OXA1L: variants seen among roughly 807,000 people sequenced by gnomAD.
OXA1L encodes the protein mitochondrial inner membrane protein OXA1L.
OXA1L carries 42 observed loss-of-function variants against 52.2 expected under a neutral mutation model. The observed-to-expected ratio is 0.80, with a 90% CI of 0.63 to 1.04. The LOEUF (loss-of-function observed/expected upper bound fraction) is 1.04. Among genes scored for constraint, OXA1L ranks in the 50% least tolerant of loss-of-function variants. OXA1L has a pLI of 0.00. For missense variants in OXA1L, 572 were observed against 555.0 expected (o/e 1.03, Z -0.31); for synonymous variants, 239 against 201.9 (o/e 1.18, Z -1.56).
chr14:22,770,706 C>T, intron 6 of OXA1L, 81 bp downstream of exon 6: 1 of 1,548,296 alleles, frequency 6.5e-7, no homozygotes, highest in East Asian at 2.3e-5. Context: ...AATGGTCATC[C>T]TTCACTTGCT....
intron 3 of OXA1L, among the ~76,000 whole-genome samples, chr14:22,769,373 A>G (rs773964467): frequency 6.6e-6 from 1 of 152,184 alleles, no homozygotes; most frequent in Non-Finnish European, 1.5e-5. Context: ...GTTGTCACAG[A>G]TGACTGGGTT....
intron 4 of OXA1L, 76 bp from the exon 5 acceptor site, chr14:22,770,117 C>A: frequency 7.5e-7 from 1 of 1,328,822 alleles, no homozygotes; most frequent in Non-Finnish European, 1.1e-6. Flanking sequence ...ATTTCACAGG[C>A]CAGGTAGATA....
Position 22,767,267 on chromosome 14 carries a change from C to T in OXA1L, c.83C>T (p.Pro28Leu), listed in dbSNP as rs1207374971. 1.9e-6 allele frequency: 3 copies of T among 1,611,104 alleles called. No individual in the cohort carries two copies. The highest frequency in any genetic ancestry group is 2.5e-6 in the Non-Finnish European group (3 of 1,179,122). Reference sequence around the variant, plus strand: ...GCTCAGGTCCACAGCGTCGCAGGGCCCTCGCAATGGCTTGGGAAACCGCTG... The same window carrying T: ...GCTCAGGTCCACAGCGTCGCAGGGCTCTCGCAATGGCTTGGGAAACCGCTG... The part of the protein sequence containing the change: ...SGRRVHSVAG[P>L]SQWLGKPLTT... Residue 28 changes from proline to leucine, a missense_variant, in exon 2 of 10, where the codon CCC (proline) becomes CTC (leucine). By Grantham distance (98) the Pro-to-Leu change is moderately conservative (BLOSUM62 -3). Coordinates refer to ENST00000612549, the MANE Select transcript of OXA1L (RefSeq NM_005015.5).
Position 22,771,423 on chromosome 14 carries a change from T to G in OXA1L, c.1184-11T>G. The G allele has an allele frequency of 6.2e-7, 1 of 1,614,096 alleles. No individual in the cohort carries two copies. Among genetic ancestry groups the G allele is most frequent in the Non-Finnish European group, 8.5e-7 (1 of 1,179,968 alleles). On this transcript the variant is annotated splice_polypyrimidine_tract_variant and intron_variant, in intron 9 of 9. Coordinates refer to ENST00000612549, the MANE Select transcript of OXA1L (RefSeq NM_005015.5). ...TTCTTCGTTGAAATTTGTTTTCTCTTCTCCCCTCAGGTCCTTTACGACAGA... is the reference window on the plus strand; with the variant it reads ...TTCTTCGTTGAAATTTGTTTTCTCTGCTCCCCTCAGGTCCTTTACGACAGA...
rs1346021069 is a variant in OXA1L at position 22,768,067 on chromosome 14, C to A, written c.335C>A (p.Ala112Asp). ...CAAACTGCTGCAGAGCAGAGCTTCG[C>A]TGAACTGGGGCTGGGGTCATACACC... ...VVQTAAEQSFAELGLGSYTPV... is the reference protein window; with the variant it reads ...VVQTAAEQSFDELGLGSYTPV... Residue 112 changes from alanine (A) to aspartate (D), a missense_variant, in exon 3 of 10, where the codon GCT becomes GAT. Physicochemically the swap from Ala to Asp is moderately radical, Grantham distance 126. Coordinates refer to ENST00000612549, the MANE Select transcript of OXA1L (RefSeq NM_005015.5). 1 of 1,614,054 alleles carries A rather than the reference C, an allele frequency of 6.2e-7. No individual in the cohort carries two copies. Among genetic ancestry groups the A allele is most frequent in the African/African-American group, 1.3e-5 (1 of 74,936 alleles).
chr14:22,767,983 C>A lies in OXA1L; in HGVS notation c.251C>A (p.Ala84Glu). 17 of 1,613,010 alleles carry A rather than the reference C, an allele frequency of 1.1e-5. No individual in the cohort carries two copies. The highest frequency in any genetic ancestry group is 1.4e-5 in the Non-Finnish European group (16 of 1,179,026). ...GTTCAGGCCCCTCCTGTTGTTGCTGCAACTCCCTCACCCACAGCAGTACCT... is the reference window on the plus strand; with the variant it reads ...GTTCAGGCCCCTCCTGTTGTTGCTGAAACTCCCTCACCCACAGCAGTACCT... The part of the protein sequence containing the change: ...VQVQAPPVVA[A>E]TPSPTAVPEV... The change falls in exon 3 of 10, where the codon GCA (alanine) becomes GAA (glutamate). Residue 84 changes from alanine (A) to glutamate (E), a missense_variant. By Grantham distance (107) the Ala-to-Glu change is moderately radical. Coordinates refer to ENST00000612549, the MANE Select transcript of OXA1L (RefSeq NM_005015.5).
At position 22,768,409 on chromosome 14, in the gene OXA1L, G is replaced by T. The variant is rs1365005490; in HGVS notation, c.439+238G>T. On this transcript the variant is annotated intron_variant, in intron 3 of 9. Coordinates refer to ENST00000612549, the MANE Select transcript of OXA1L (RefSeq NM_005015.5). ...GTAGATATTTGAATACAAACATGGG[G>T]TTAGAGTCAGGGGACCTTATTAACA... is the stretch of plus-strand genomic sequence containing the variant. 1.3e-5 allele frequency: 7 copies of T among 527,662 alleles called. No homozygotes were observed. In the East Asian group the frequency reaches 2.3e-4, roughly 18 times the overall value. 32.7% of individuals were successfully genotyped at this position (527,662 alleles called of 1,614,324 possible).
In OXA1L at chr14:22,766,694, C is replaced by A; in HGVS notation, c.-8C>A. On this transcript the variant is annotated 5_prime_UTR_variant, in exon 1 of 10. Transcript: ENST00000612549. ...GCAGGCGCAAAAGCAAGTCCTCTTC[C>A]GGGCAAAATGGCGATGGGACTAATG... 6.2e-7 allele frequency: 1 copy of A among 1,614,280 alleles called. No homozygotes were observed. Among genetic ancestry groups the A allele is most frequent in the Non-Finnish European group, 8.5e-7 (1 of 1,180,054 alleles).
intron 4 of OXA1L, 23 bp downstream of exon 4, chr14:22,769,957 G>T: frequency 6.2e-7 from 1 of 1,613,080 alleles, no homozygotes; most frequent in Non-Finnish European, 8.5e-7. Flanking sequence ...CAGAATGAGC[G>T]TGGGAGAAGT....
chr14:22,772,249 C>G lies in OXA1L; in HGVS notation c.*691C>G, dbSNP rs1287727654. On this transcript the variant is annotated 3_prime_UTR_variant, in exon 10 of 10. Coordinates refer to ENST00000612549, the MANE Select transcript of OXA1L (RefSeq NM_005015.5). ...CAGTAATCCCAGCACTTTTGGGAGG[C>G]CAAGGCGGGCGGATCACGAAGTCAG... The G allele has an allele frequency of 6.6e-6, 1 of 151,152 alleles. No homozygotes were observed. The highest frequency in any genetic ancestry group is 1.5e-5 in the Non-Finnish European group (1 of 67,852). 9.4% of individuals were successfully genotyped at this position (151,152 alleles called of 1,614,324 possible).
Position 22,771,477 on chromosome 14 carries a change from T to C in OXA1L, c.1227T>C (p.Pro409=). ...QTFTHNPLLQ[P]GKDNPPNIPS... ...TTACCCACAACCCTCTCCTACAACC[T>C]GGAAAGGATAACCCTCCCAATATCC... Residue 409 remains proline, a synonymous_variant, in exon 10 of 10, where the codon CCT becomes CCC. Coordinates refer to ENST00000612549, the MANE Select transcript of OXA1L (RefSeq NM_005015.5). 6.2e-7 allele frequency: 1 copy of C among 1,613,632 alleles called. No homozygotes were observed. The highest frequency in any genetic ancestry group is 1.1e-5 in the South Asian group (1 of 91,056).
At chr14:22,766,804 G>T in intron 1 of OXA1L, 40 bp downstream of exon 1, 1 of 1,611,926 alleles carries the variant, frequency 6.2e-7, no homozygotes, top group South Asian at 1.1e-5. Context: ...ATGCTGCCCT[G>T]ACCCAGTGAA....
chr14:22,769,792 T>C lies in OXA1L; in HGVS notation c.441T>C (p.Cys147=). 6.2e-7 allele frequency: 1 copy of C among 1,614,156 alleles called. No homozygotes were observed. The highest frequency in any genetic ancestry group is 8.5e-7 in the Non-Finnish European group (1 of 1,180,022). ...GLPWWGAIAA[C]TVFARCLIFP... The stretch of plus-strand genomic sequence containing the variant: ...CCAATCCTAGTTTGTATTTTCCAGG[T>C]ACAGTCTTTGCCCGCTGCCTGATTT... The change falls in exon 4 of 10, where the codon TGT becomes TGC. Residue 147 remains cysteine, a splice_region_variant and synonymous_variant. Transcript: ENST00000612549.
At chr14:22,770,070 C>CAG in intron 4 of OXA1L, 123 bp from the exon 5 acceptor site, 1 of 1,367,968 alleles carries the variant, frequency 7.3e-7, no homozygotes, top group South Asian at 1.2e-5. Context: ...GTTTCTTAGA[C>CAG]CTAATGCTCC....
chr14:22,771,530 A>C lies in OXA1L; in HGVS notation c.1280A>C (p.Lys427Thr). 1 of 1,614,178 alleles carries C rather than the reference A, an allele frequency of 6.2e-7. No homozygotes were observed. Among genetic ancestry groups the C allele is most frequent in the Non-Finnish European group, 8.5e-7 (1 of 1,180,016 alleles). Residue 427 changes from lysine (K) to threonine (T), a missense_variant, in exon 10 of 10, where the codon AAG becomes ACG. Physicochemically the swap from Lys to Thr is moderately conservative, Grantham distance 78 (BLOSUM62 -1). This residue lies in a region of OXA1L where 244 missense variants were observed against 240.2 expected (regional missense o/e 1.02). Transcript: ENST00000612549. ...IPSSSSKPKS[K>T]YPWHDTLG ...AGCAGCAGCAGCAAACCAAAGTCAAAGTATCCCTGGCACGACACACTTGGC... is the reference window on the plus strand; with the variant it reads ...AGCAGCAGCAGCAAACCAAAGTCAACGTATCCCTGGCACGACACACTTGGC...
At position 22,770,568 on chromosome 14, in the gene OXA1L, C is replaced by T. The variant is rs750987861; in HGVS notation, c.777C>T (p.Ser259=). The change falls in exon 6 of 10, where the codon TCC becomes TCT. Residue 259 remains serine, a synonymous_variant. Transcript: ENST00000612549. ...GGTGGTTCCAGGATCTCACGGTATC[C>T]GATCCCATCTACATATTACCACTGG... is the stretch of plus-strand genomic sequence containing the variant. The part of the protein sequence containing the change: ...GLWWFQDLTV[S]DPIYILPLAV... 12 of 1,614,128 alleles carry T rather than the reference C, an allele frequency of 7.4e-6. No homozygotes were observed. Among genetic ancestry groups the T allele is most frequent in the African/African-American group, 1.3e-5 (1 of 75,028 alleles).
chr14:22,768,855 G>C (rs2038433041), intron 3 of OXA1L: 1 of 152,180 alleles, frequency 6.6e-6, no homozygotes, highest in Non-Finnish European at 1.5e-5. Flanking sequence ...TGGAGAATGA[G>C]ATATCCATCC....
Position 22,771,656 on chromosome 14 carries a change from CTG to C in OXA1L, c.*101_*102del, listed in dbSNP as rs1240261726. On this transcript the variant is annotated 3_prime_UTR_variant, in exon 10 of 10. Transcript: ENST00000612549. ...TGTGTCCTTGCCCCAGTCCTAGGAA[CTG>C]TGGCACACAGAGATGTTCATTTTAA... 4 of 1,230,168 alleles carry C rather than the reference CTG, an allele frequency of 3.3e-6. No homozygotes were observed. In the East Asian group the frequency reaches 9.3e-5, roughly 29 times the overall value. The allele number at this position is 1,230,168 out of a possible 1,614,324, so 76.2% of individuals were successfully genotyped here.
chr14:22,770,381 T>C (rs891858915), intron 5 of OXA1L, 80 bp from the exon 6 acceptor site: 8 of 1,566,606 alleles, frequency 5.1e-6, no homozygotes, highest in Non-Finnish European at 6.1e-6. Flanking sequence ...GGTGGTGGAT[T>C]ATACATGGCT....
Sources: allele counts gnomAD v4.1 joint callset (sites outside exome capture counted in the v4.1 genomes callset), GRCh38; gene constraint gnomAD v4.1.1; regional missense constraint gnomAD v4.1.1; transcripts MANE v1.5; gene names NCBI Gene and HGNC (gene_info 2026-07-23, HGNC 2026-07-21).